Variants in GPR158 observed in about 807,000 individuals in gnomAD.
GPR158 encodes G protein-coupled receptor 158, also known as metabotropic glycine receptor.
Under a neutral mutation model 78.2 loss-of-function variants are expected in GPR158, and 30 were observed. The ratio of observed to expected loss-of-function variants is 0.38; its 90% CI spans 0.29 to 0.52. The LOEUF is 0.52. GPR158 is among the 20% of genes least tolerant of loss of function. The pLI, the probability that GPR158 is intolerant of heterozygous loss-of-function variation, is 0.83. For synonymous variants in GPR158, 581 were observed against 591.1 expected (o/e 0.98, Z 0.25); for missense variants, 1,463 against 1,523.5 (o/e 0.96, Z 0.66).
intron 3 of GPR158, among the ~76,000 whole-genome samples, chr10:25,398,722 T>C (rs947183414): frequency 1.3e-5 from 2 of 152,186 alleles, no homozygotes; most frequent in African/African-American, 2.4e-5. Context: ...CTAACTCCCA[T>C]GTTATACCCA....
intron 7 of GPR158, among the ~76,000 whole-genome samples, chr10:25,574,597 C>G (rs533573254): frequency 1.3e-5 from 2 of 152,036 alleles, no homozygotes; most frequent in African/African-American, 2.4e-5. Context: ...TTTATAAGAA[C>G]AGTGAAGGTC....
chr10:25,437,178 T>G (rs1835007463), intron 4 of GPR158, among the ~76,000 whole-genome samples: 1 of 152,240 alleles, frequency 6.6e-6, no homozygotes, highest in Non-Finnish European at 1.5e-5. Flanking sequence ...TAGTCTTTTC[T>G]TTATTACATT....
chr10:25,444,396 GT>G (rs200728256), intron 4 of GPR158, among the ~76,000 whole-genome samples: 1,651 of 151,486 alleles, frequency 0.011, 29 homozygotes, highest in African/African-American at 0.038. Context: ...GTATGGGGGT[GT>G]CGTGTATGTG....
chr10:25,387,762 C>A (rs1403022038), intron 2 of GPR158, among the ~76,000 whole-genome samples: 1 of 152,114 alleles, frequency 6.6e-6, no homozygotes, highest in African/African-American at 2.4e-5. Context: ...GATCCACCTG[C>A]CTCAGCCTCC....
chr10:25,555,070 A>G (rs754359169), intron 6 of GPR158, among the ~76,000 whole-genome samples: 19 of 151,984 alleles, frequency 1.3e-4, no homozygotes, highest in Non-Finnish European at 2.4e-4. Context: ...GGAGGGAGGG[A>G]GGAAGGAAGG....
chr10:25,181,821 G>A (rs995415608), intron 1 of GPR158, among the ~76,000 whole-genome samples: 8 of 152,072 alleles, frequency 5.3e-5, no homozygotes, highest in African/African-American at 1.7e-4. Context: ...AGGCTCAAGT[G>A]ATCCTCCCAG....
At chr10:25,253,174 G>C (rs983742895) in intron 2 of GPR158, among the ~76,000 whole-genome samples, 1 of 152,312 alleles carries the variant, frequency 6.6e-6, no homozygotes, top group African/African-American at 2.4e-5. Context: ...GCTTCGGCTC[G>C]CGCACCGTGC....
rs1413304348 is a variant in GPR158, at chr10:25,270,728, A to G, written c.1008+49571A>G. On this transcript the variant is annotated intron_variant, in intron 2 of 10. Coordinates refer to ENST00000376351, the MANE Select transcript of GPR158 (RefSeq NM_020752.3). Reference sequence around the variant, plus strand: ...TTCCTCATCACCTTATCGAAGTCCCATTGATTTTATCTCATACTATTTTTG... The same window carrying G: ...TTCCTCATCACCTTATCGAAGTCCCGTTGATTTTATCTCATACTATTTTTG... Among the ~76,000 whole-genome samples the G allele has an allele frequency of 2.0e-5, 3 of 152,110 alleles. 1 individual carries two copies. Among genetic ancestry groups the G allele is most frequent in the Admixed American group, 2.0e-4 (3 of 15,262 alleles).
chr10:25,445,870 C>CAGGTTTGA (rs2130594950), intron 4 of GPR158, among the ~76,000 whole-genome samples: 1 of 152,186 alleles, frequency 6.6e-6, no homozygotes, highest in South Asian at 2.1e-4. Flanking sequence ...TTAGAAGGAA[C>CAGGTTTGA]AGGTTTGAAT....
intron 4 of GPR158, among the ~76,000 whole-genome samples, chr10:25,448,558 A>C (rs897942694): frequency 6.6e-6 from 1 of 152,202 alleles, no homozygotes; most frequent in Non-Finnish European, 1.5e-5. Context: ...TGGCTATTAA[A>C]AATAAAGTTG....
chr10:25,460,798 T>C (rs1169170380), intron 4 of GPR158, among the ~76,000 whole-genome samples: 2 of 152,198 alleles, frequency 1.3e-5, no homozygotes, highest in African/African-American at 4.8e-5. Context: ...AATTAAAGGT[T>C]TGTGGCAACT....
At chr10:25,421,419 C>G (rs954573107) in intron 4 of GPR158, among the ~76,000 whole-genome samples, 1 of 152,098 alleles carries the variant, frequency 6.6e-6, no homozygotes. Context: ...TACATAAAAG[C>G]TGGTCTAATG....
chr10:25,344,356 C>G (rs1855342531), intron 2 of GPR158, among the ~76,000 whole-genome samples: 1 of 151,620 alleles, frequency 6.6e-6, no homozygotes, highest in African/African-American at 2.4e-5. Flanking sequence ...CTAAATCTAG[C>G]TAATTAGCAT....
intron 4 of GPR158, among the ~76,000 whole-genome samples, chr10:25,448,305 T>C (rs1363908473): frequency 6.6e-6 from 1 of 152,002 alleles, no homozygotes; most frequent in Non-Finnish European, 1.5e-5. Flanking sequence ...TTAGCCAGGA[T>C]GGTCTCGATC....
intron 4 of GPR158, among the ~76,000 whole-genome samples, chr10:25,426,087 G>C (rs368629004): frequency 9.2e-5 from 14 of 152,208 alleles, no homozygotes; most frequent in African/African-American, 3.1e-4. Context: ...TGACGCTAAG[G>C]TTGCATAGTT....
intron 2 of GPR158, among the ~76,000 whole-genome samples, chr10:25,294,776 T>TCCG (rs5783919): frequency 6.6e-6 from 1 of 151,704 alleles, no homozygotes; most frequent in South Asian, 2.1e-4. Flanking sequence ...ATGGAAGCTC[T>TCCG]TAGGCATTGA....
At chr10:25,436,679 A>G (rs944732780) in intron 4 of GPR158, among the ~76,000 whole-genome samples, 2 of 152,192 alleles carry the variant, frequency 1.3e-5, no homozygotes, top group African/African-American at 4.8e-5. Flanking sequence ...GATGCGGTGG[A>G]TTTGGCAACA....
chr10:25,345,620 A>G (rs1257794697), intron 2 of GPR158, among the ~76,000 whole-genome samples: 1 of 152,012 alleles, frequency 6.6e-6, no homozygotes, highest in Admixed American at 6.6e-5. Flanking sequence ...TGTACTGTTG[A>G]TGCTATAAAT....
In GPR158 at chr10:25,477,526, G is replaced by A. The variant is rs11014575; in HGVS notation, c.1404+10807G>A. ...CCCTGGTTCTTTTTAGGGCAGAATG[G>A]TAGCAGTTCACTTCTGTGACAGATT... On this transcript the variant is annotated intron_variant, in intron 5 of 10. Coordinates refer to ENST00000376351, the MANE Select transcript of GPR158 (RefSeq NM_020752.3). Among the ~76,000 whole-genome samples, 7,413 of 152,062 alleles carry A rather than the reference G, an allele frequency of 0.049. 870 individuals are homozygous for A. The East Asian group carries it at 0.53, about 11-fold the overall frequency.
Sources: gnomAD v4.1 joint callset for allele counts (sites outside exome capture counted in the v4.1 genomes callset) on GRCh38, gnomAD v4.1.1 for gene constraint, MANE v1.5 for transcripts, NCBI Gene and HGNC (gene_info 2026-07-23, HGNC 2026-07-21) for gene names.